The following SORBS2 variants were observed in gnomAD, a reference collection of about 807,000 sequenced individuals.
The protein encoded by SORBS2 is sorbin and SH3 domain-containing protein 2.
A neutral mutation model predicts 97.7 loss-of-function variants in SORBS2; 46 were observed. The ratio of observed to expected loss-of-function variants is 0.47; its 90% CI spans 0.37 to 0.60. The LOEUF (loss-of-function observed/expected upper bound fraction) is 0.60, where lower values mean the gene tolerates loss of function less well. Ranked by LOEUF, SORBS2 falls within the 20% of genes least tolerant of loss-of-function variation. SORBS2 has a pLI of 0.00. For missense variants in SORBS2, 1,316 were observed against 1,282.3 expected (o/e 1.03, Z -0.40); for synonymous variants, 476 against 473.4 (o/e 1.01, Z -0.07).
Position 185,656,564 on chromosome 4 carries a change from C to T in SORBS2, c.24+51G>A, listed in dbSNP as rs951008114. On this transcript the variant is annotated intron_variant, in intron 1 of 14. Coordinates refer to ENST00000418609, the Ensembl canonical transcript of SORBS2. ...ACACCCCAGCTTTACATGGGTCTTG[C>T]TGCAAAGTATATGCAGCTGCAGTCC... The T allele has an allele frequency of 1.2e-5, 16 of 1,367,092 alleles. No individual in the cohort carries two copies. The African/African-American group carries it at 2.3e-4, about 20-fold the overall frequency. 84.7% of individuals were successfully genotyped at this position (1,367,092 alleles called of 1,614,324 possible).
intron 2 of SORBS2, among the ~76,000 whole-genome samples, chr4:185,734,599 G>A (rs2098670189): frequency 6.6e-6 from 1 of 152,166 alleles, no homozygotes; most frequent in African/African-American, 2.4e-5. Context: ...GCACAGCAAA[G>A]GCCATAGTGT....
At chr4:185,686,750 G>T (rs1014577741) in intron 2 of SORBS2, among the ~76,000 whole-genome samples, 1 of 152,222 alleles carries the variant, frequency 6.6e-6, no homozygotes, top group Non-Finnish European at 1.5e-5. Flanking sequence ...GGTGAAAAGA[G>T]AAAATTCCAG....
intron 1 of SORBS2, among the ~76,000 whole-genome samples, chr4:185,795,785 C>T (rs1403710536): frequency 6.6e-6 from 1 of 152,132 alleles, no homozygotes; most frequent in Non-Finnish European, 1.5e-5. Context: ...CACATATCCA[C>T]CTAAGTGTTC....
chr4:185,805,455 T>C (rs1018654997), intron 1 of SORBS2, among the ~76,000 whole-genome samples: 1 of 152,204 alleles, frequency 6.6e-6, no homozygotes, highest in African/African-American at 2.4e-5. Flanking sequence ...GAATATGCAG[T>C]ATGTTGACCT....
intron 2 of SORBS2, among the ~76,000 whole-genome samples, chr4:185,698,720 A>C (rs1372521393): frequency 6.6e-6 from 1 of 152,200 alleles, no homozygotes; most frequent in African/African-American, 2.4e-5. Context: ...TCTTCCTCTA[A>C]GACTAATAGG....
chr4:185,637,647 C>T (rs1297557883), intron 4 of SORBS2, among the ~76,000 whole-genome samples: 1 of 152,084 alleles, frequency 6.6e-6, no homozygotes, highest in Non-Finnish European at 1.5e-5. Context: ...CAGGAGGCCT[C>T]GAGGAGATAA....
chr4:185,604,825 GA>G (rs1248896858), intron 12 of SORBS2, among the ~76,000 whole-genome samples: 2 of 151,966 alleles, frequency 1.3e-5, no homozygotes, highest in Admixed American at 6.6e-5. Context: ...AAAAGTGAAG[GA>G]AAAAAGTATT....
intron 1 of SORBS2, among the ~76,000 whole-genome samples, chr4:185,786,622 T>C (rs998583037): frequency 2.6e-5 from 4 of 152,190 alleles, no homozygotes; most frequent in African/African-American, 4.8e-5. Context: ...CCATGTCACT[T>C]TAGGAGAGTT....
At chr4:185,658,591 TCTCATGTTTCAGGGTGGGA>T (rs1395840252), upstream of SORBS2, among the ~76,000 whole-genome samples, 3 of 152,028 alleles carry the variant, frequency 2.0e-5, no homozygotes, top group Non-Finnish European at 4.4e-5. Flanking sequence ...TGAAAAAAAT[TCTCATGTTTCAGGGTGGGA>T]CTCATTGATA....
intron 12 of SORBS2, among the ~76,000 whole-genome samples, chr4:185,602,208 C>A (rs2096278913): frequency 6.6e-6 from 1 of 152,152 alleles, no homozygotes; most frequent in South Asian, 2.1e-4. Context: ...CGGGGTTTCA[C>A]CATCTTGGCC....
At chr4:185,591,349 G>A (rs1331134121) in intron 13 of SORBS2, among the ~76,000 whole-genome samples, 2 of 152,156 alleles carry the variant, frequency 1.3e-5, no homozygotes, top group African/African-American at 4.8e-5. Context: ...GGCTTCTGAG[G>A]CCTTTTCTTG....
chr4:185,947,086 G>T (rs560600592), intron 1 of SORBS2, among the ~76,000 whole-genome samples: 1 of 152,168 alleles, frequency 6.6e-6, no homozygotes, highest in African/African-American at 2.4e-5. Context: ...TTGTGTCTCC[G>T]CAGTTCATGG....
chr4:185,650,787 A>C (rs1285771012), intron 2 of SORBS2, among the ~76,000 whole-genome samples: 1 of 152,142 alleles, frequency 6.6e-6, no homozygotes, highest in African/African-American at 2.4e-5. Context: ...GGGAGCAGGG[A>C]TGAAATTAAG....
intron 1 of SORBS2, among the ~76,000 whole-genome samples, chr4:185,886,579 G>GAAAAAAAAAAGAAAAGAA (rs1554046531): frequency 4.7e-5 from 6 of 127,928 alleles, no homozygotes; most frequent in Non-Finnish European, 1.0e-4. Context: ...AAAAAGAAAA[G>GAAAAAAAAAAGAAAAGAA]AAAAAAAAAA....
At chr4:185,700,557 T>C (rs1349163278) in intron 2 of SORBS2, among the ~76,000 whole-genome samples, 2 of 152,186 alleles carry the variant, frequency 1.3e-5, no homozygotes, top group Non-Finnish European at 2.9e-5. Context: ...AGAAGATGTA[T>C]AAATAACAGT....
intron 1 of SORBS2, among the ~76,000 whole-genome samples, chr4:185,801,280 T>C (rs1308781222): frequency 6.6e-6 from 1 of 152,252 alleles, no homozygotes; most frequent in Non-Finnish European, 1.5e-5. Flanking sequence ...CATTCATCCA[T>C]GGACAGGTCC....
chr4:185,603,824 T>A (rs2096336846), intron 12 of SORBS2, among the ~76,000 whole-genome samples: 1 of 152,232 alleles, frequency 6.6e-6, no homozygotes. Flanking sequence ...AGCGGAACTG[T>A]CAGCCTGCAA....
chr4:185,632,912 A>G (rs564349988), intron 4 of SORBS2, among the ~76,000 whole-genome samples: 16 of 152,338 alleles, frequency 1.1e-4, no homozygotes, highest in African/African-American at 3.6e-4. Flanking sequence ...AGATAAGAGT[A>G]AAAAATCTAG....
chr4:185,685,847 A>G (rs2097947751), intron 2 of SORBS2, among the ~76,000 whole-genome samples: 2 of 152,228 alleles, frequency 1.3e-5, no homozygotes, highest in Admixed American at 1.3e-4. Context: ...CAATATGTGT[A>G]CTATGATTCA....
Sources: gnomAD v4.1 joint callset for allele counts (sites outside exome capture counted in the v4.1 genomes callset) on GRCh38, gnomAD v4.1.1 for gene constraint, MANE v1.5 for transcripts, NCBI Gene and HGNC (gene_info 2026-07-23, HGNC 2026-07-21) for gene names.